Variants in CCDC60 observed in about 807,000 individuals in gnomAD.
CCDC60 encodes the protein coiled-coil domain-containing protein 60.
In CCDC60, 54 loss-of-function variants were observed where a neutral mutation model predicts 63.5. The ratio of observed to expected loss-of-function variants is 0.85; its 90% CI spans 0.68 to 1.07. CCDC60 has a LOEUF of 1.07. Ranked by LOEUF, CCDC60 falls within the 50% of genes least tolerant of loss-of-function variation. The pLI, the probability that CCDC60 is intolerant of heterozygous loss-of-function variation, is 0.00. For missense variants in CCDC60, 651 were observed against 684.3 expected (o/e 0.95, Z 0.54); for synonymous variants, 206 against 238.8 (o/e 0.86, Z 1.27).
intron 1 of CCDC60, among the ~76,000 whole-genome samples, chr12:119,423,876 A>G (rs1263438826): frequency 6.6e-6 from 1 of 152,232 alleles, no homozygotes; most frequent in East Asian, 1.9e-4. Flanking sequence ...ATTAGCTTAC[A>G]TCATTCCAGA....
intron 10 of CCDC60, among the ~76,000 whole-genome samples, 166 bp downstream of exon 10, chr12:119,523,167 G>A (rs1279238301): frequency 6.6e-6 from 1 of 152,232 alleles, no homozygotes; most frequent in African/African-American, 2.4e-5. Flanking sequence ...TCATAGTCAA[G>A]AAGCTGAGCA....
At chr12:119,480,782 C>T (rs572912244) in intron 4 of CCDC60, among the ~76,000 whole-genome samples, 75 of 139,826 alleles carry the variant, frequency 5.4e-4, no homozygotes, top group African/African-American at 1.9e-3. Context: ...ATCATCATCA[C>T]CATCATCATC....
chr12:119,345,330 C>T (rs1036241874), intron 1 of CCDC60, among the ~76,000 whole-genome samples: 6 of 151,990 alleles, frequency 3.9e-5, no homozygotes, highest in African/African-American at 1.5e-4. Flanking sequence ...GGTGAAATCC[C>T]GTCTTTACTA....
intron 1 of CCDC60, among the ~76,000 whole-genome samples, chr12:119,355,538 C>A (rs1955707923): frequency 6.6e-6 from 1 of 152,230 alleles, no homozygotes; most frequent in Non-Finnish European, 1.5e-5. Context: ...TGACGCAGGG[C>A]AGACGAGCCT....
At chr12:119,389,197 C>T (rs181658698) in intron 1 of CCDC60, among the ~76,000 whole-genome samples, 5 of 152,208 alleles carry the variant, frequency 3.3e-5, no homozygotes, top group African/African-American at 9.6e-5. Context: ...CACATAAGTA[C>T]CTCAGTTGCC....
chr12:119,372,692 C>A (rs1162568908), intron 1 of CCDC60, among the ~76,000 whole-genome samples: 1 of 152,288 alleles, frequency 6.6e-6, no homozygotes, highest in South Asian at 2.1e-4. Flanking sequence ...GCCTTATCAG[C>A]AGGCATGACA....
chr12:119,540,575 A>C lies in CCDC60; in HGVS notation c.1552-39A>C, dbSNP rs1249133982. On this transcript the variant is annotated intron_variant, in intron 13 of 13. Coordinates refer to ENST00000327554, the MANE Select transcript of CCDC60 (RefSeq NM_178499.5). ...GGAGAGAAGGTGGAGTCTACTTTTC[A>C]GAGCAAATTCTGAGATTGCCACTAT... 6 of 1,484,846 alleles carry C rather than the reference A, an allele frequency of 4.0e-6. No homozygotes were observed. The East Asian group carries it at 1.4e-4, about 34-fold the overall frequency. 92.0% of individuals were successfully genotyped at this position (1,484,846 alleles called of 1,614,324 possible).
chr12:119,352,134 A>G (rs2136154421), intron 1 of CCDC60, among the ~76,000 whole-genome samples: 1 of 152,344 alleles, frequency 6.6e-6, no homozygotes, highest in South Asian at 2.1e-4. Flanking sequence ...AGAGAGAGAA[A>G]GTGAAGGGGG....
chr12:119,352,219 A>G (rs1040374874), intron 1 of CCDC60, among the ~76,000 whole-genome samples: 3 of 152,318 alleles, frequency 2.0e-5, no homozygotes, highest in African/African-American at 4.8e-5. Context: ...CAAGGGGGAA[A>G]TCCACCCACA....
intron 2 of CCDC60, among the ~76,000 whole-genome samples, chr12:119,457,718 G>GA (rs533566909): frequency 1.3e-5 from 2 of 150,930 alleles, no homozygotes; most frequent in Admixed American, 1.3e-4. Context: ...GTGGTTGGCG[G>GA]GGGGGAGAAT....
At chr12:119,428,921 A>G in intron 2 of CCDC60, 159 bp downstream of exon 2, 1 of 525,200 alleles carries the variant, frequency 1.9e-6, no homozygotes, top group Non-Finnish European at 3.4e-6. Flanking sequence ...AGCAGAGGGC[A>G]GGATCGCTTT....
At chr12:119,381,397 A>G (rs4767815) in intron 1 of CCDC60, among the ~76,000 whole-genome samples, 109,858 of 152,050 alleles carry the variant, frequency 0.72, 40,168 homozygotes, top group East Asian at 0.9. Context: ...CATTTCTCCA[A>G]TTGAAGCTGT....
intron 2 of CCDC60, among the ~76,000 whole-genome samples, chr12:119,449,530 C>T (rs1030685498): frequency 2.0e-5 from 3 of 152,068 alleles, no homozygotes; most frequent in African/African-American, 7.3e-5. Flanking sequence ...TAAGAAGGTG[C>T]CATTATTACA....
chr12:119,376,966 C>T (rs1476806998), intron 1 of CCDC60, among the ~76,000 whole-genome samples: 3 of 151,840 alleles, frequency 2.0e-5, no homozygotes, highest in Non-Finnish European at 4.4e-5. Flanking sequence ...CTCAATATTC[C>T]AACTCAGGCC....
chr12:119,464,002 C>T (rs562795839), intron 2 of CCDC60, among the ~76,000 whole-genome samples: 1 of 151,860 alleles, frequency 6.6e-6, no homozygotes, highest in African/African-American at 2.4e-5. Context: ...TCTCTCCCTT[C>T]CTTACTTCCT....
chr12:119,387,478 A>G (rs573614163), intron 1 of CCDC60, among the ~76,000 whole-genome samples: 3 of 152,330 alleles, frequency 2.0e-5, no homozygotes, highest in Non-Finnish European at 4.4e-5. Flanking sequence ...GACAAATGCC[A>G]TACATAAAAA....
At chr12:119,390,310 A>G (rs1405962011) in intron 1 of CCDC60, among the ~76,000 whole-genome samples, 3 of 152,212 alleles carry the variant, frequency 2.0e-5, no homozygotes, top group Non-Finnish European at 4.4e-5. Flanking sequence ...GCTCCCTGTC[A>G]GTAAGCAGAT....
At chr12:119,380,211 C>T (rs1955994109) in intron 1 of CCDC60, among the ~76,000 whole-genome samples, 1 of 152,204 alleles carries the variant, frequency 6.6e-6, no homozygotes, top group Non-Finnish European at 1.5e-5. Flanking sequence ...AGGACAACCA[C>T]AGTTGGGTGG....
At chr12:119,463,455 G>A (rs571978562) in intron 2 of CCDC60, among the ~76,000 whole-genome samples, 1 of 152,232 alleles carries the variant, frequency 6.6e-6, no homozygotes, top group African/African-American at 2.4e-5. Flanking sequence ...CTTCTTTCCA[G>A]CTCTGTGACC....
Sources: allele counts gnomAD v4.1 joint callset (sites outside exome capture counted in the v4.1 genomes callset), GRCh38; gene constraint gnomAD v4.1.1; transcripts MANE v1.5; gene names NCBI Gene and HGNC (gene_info 2026-07-23, HGNC 2026-07-21).